Variants in GON4L observed in about 807,000 individuals in gnomAD.
GON4L encodes gon-4 like.
In GON4L, 87 loss-of-function variants were observed where a neutral mutation model predicts 211.8. The observed-to-expected ratio is 0.41, with a 90% CI of 0.35 to 0.49. GON4L has a LOEUF of 0.49. GON4L is among the 20% of genes least tolerant of loss of function. The pLI is 0.15. For missense variants in GON4L, 2,155 were observed against 2,659.5 expected (o/e 0.81, Z 4.17); for synonymous variants, 875 against 962.6 (o/e 0.91, Z 1.68).
At chr1:155,845,717 C>T (rs1307929074) in intron 2 of GON4L, 2 of 297,028 alleles carry the variant, frequency 6.7e-6, no homozygotes, top group South Asian at 3.9e-5. Flanking sequence ...AAGATACTGC[C>T]GTAACTCAGT....
intron 2 of GON4L, chr1:155,832,724 T>A (rs545357001): frequency 1.3e-5 from 2 of 152,242 alleles, no homozygotes; most frequent in East Asian, 3.9e-4. Context: ...AATCCAACTA[T>A]CTTTCTATGT....
chr1:155,767,576 C>T (rs745959185), intron 19 of GON4L, 35 bp from the exon 20 acceptor site: 5 of 1,577,402 alleles, frequency 3.2e-6, no homozygotes, highest in Non-Finnish European at 4.3e-6. Context: ...AATTACATTC[C>T]TTCTGGAAAC....
intron 22 of GON4L, among the ~76,000 whole-genome samples, chr1:155,762,902 G>T (rs902936473): frequency 5.9e-5 from 9 of 152,070 alleles, no homozygotes; most frequent in Non-Finnish European, 1.2e-4. Context: ...TGGGTGTGGG[G>T]GCAGATGCCT....
At chr1:155,822,512 A>C in intron 3 of GON4L, 36 bp from the exon 4 acceptor site, 1 of 1,517,212 alleles carries the variant, frequency 6.6e-7, no homozygotes, top group African/African-American at 1.4e-5. Context: ...AGAATTCCAA[A>C]ATAGCTGCTC....
intron 14 of GON4L, among the ~76,000 whole-genome samples, chr1:155,779,995 C>T (rs777755581): frequency 2.6e-4 from 40 of 151,784 alleles, no homozygotes; most frequent in Non-Finnish European, 5.3e-4. Context: ...GACAGGGTTT[C>T]GCCACGTTAG....
intron 2 of GON4L, among the ~76,000 whole-genome samples, chr1:155,829,135 A>C (rs530339691): frequency 1.8e-4 from 28 of 152,296 alleles, no homozygotes; most frequent in African/African-American, 5.5e-4. Flanking sequence ...CCATCACACC[A>C]TCCAGCTAAA....
intron 8 of GON4L, among the ~76,000 whole-genome samples, chr1:155,814,878 C>A (rs547111904): frequency 6.6e-6 from 1 of 151,784 alleles, no homozygotes; most frequent in African/African-American, 2.4e-5. Context: ...TTTGGAAGGC[C>A]GAGGCGGGTG....
rs1186679195 is a variant in GON4L, at chr1:155,822,415, T to C, written c.759A>G (p.Lys253=). The change falls in exon 4 of 32, where the codon AAA becomes AAG. Residue 253 remains lysine (K), a synonymous_variant. Coordinates refer to ENST00000368331, the MANE Select transcript of GON4L (RefSeq NM_001282860.2). ...TCCCTTCTTGACCCCTTCCATCTCGTTTCCTCTTGGTACCCTTTTTCTTTT... is the reference window on the plus strand; with the variant it reads ...TCCCTTCTTGACCCCTTCCATCTCGCTTCCTCTTGGTACCCTTTTTCTTTT... ...RRKKKKGTKR[K]RDGRGQEGTL... The C allele has an allele frequency of 1.2e-6, 2 of 1,613,822 alleles. No individual in the cohort carries two copies. Among genetic ancestry groups the C allele is most frequent in the African/African-American group, 1.3e-5 (1 of 74,910 alleles).
intron 2 of GON4L, among the ~76,000 whole-genome samples, chr1:155,847,045 T>C (rs1263897429): frequency 2.0e-5 from 3 of 152,158 alleles, no homozygotes; most frequent in Admixed American, 6.5e-5. Context: ...ATTTTCCCCA[T>C]CTTGAAAGAC....
At chr1:155,766,760 A>C in intron 20 of GON4L, 51 bp from the exon 21 acceptor site, 2 of 1,610,318 alleles carry the variant, frequency 1.2e-6, no homozygotes, top group South Asian at 2.2e-5. Context: ...ATTTGGGAAA[A>C]AGAGGCTTGG....
intron 11 of GON4L, among the ~76,000 whole-genome samples, chr1:155,796,365 C>T (rs2102001658): frequency 6.6e-6 from 1 of 151,378 alleles, no homozygotes; most frequent in Non-Finnish European, 1.5e-5. Flanking sequence ...GCAAACTCTG[C>T]CTCCCAGCTT....
In GON4L at chr1:155,755,037, G is replaced by GC. The variant is rs1199536455; in HGVS notation, c.5518-550dup. On this transcript the variant is annotated intron_variant, in intron 27 of 31. Transcript: ENST00000368331. ...TTTTCCCACCTCAGCCTCCCAAGTA[G>GC]CTGGGACTGCGCACCACCACGCCTA... 4.0e-5 allele frequency among the ~76,000 whole-genome samples: 6 copies of GC among 149,150 alleles called. No individual in the cohort carries two copies. The Admixed American group carries it at 4.0e-4, about 10-fold the overall frequency.
In GON4L at chr1:155,763,412, A is replaced by G; in HGVS notation, c.4626T>C (p.Asp1542=). The G allele has an allele frequency of 1.3e-6, 2 of 1,596,846 alleles. No individual in the cohort carries two copies. Among genetic ancestry groups the G allele is most frequent in the Non-Finnish European group, 1.7e-6 (2 of 1,171,610 alleles). Residue 1542 remains aspartate (D), a synonymous_variant, in exon 22 of 32, where the codon GAT becomes GAC. Coordinates refer to ENST00000368331, the MANE Select transcript of GON4L (RefSeq NM_001282860.2). ...AEGMESLQKE[D]EMTDEAVGDS... is the part of the protein sequence containing the mutation. ...CTCCAACTGCTTCATCCGTCATTTC[A>G]TCCTCTTTCTGCAGGCTTTCCATTC...
Position 155,853,822 on chromosome 1 carries a change from GT to G in GON4L, c.-26-17del, listed in dbSNP as rs1475105898. 1 of 1,489,350 alleles carries G rather than the reference GT, an allele frequency of 6.7e-7. No homozygotes were observed. The highest frequency in any genetic ancestry group is 1.1e-5 in the South Asian group (1 of 87,758). The allele number at this position is 1,489,350 out of a possible 1,614,324, so 92.3% of individuals were successfully genotyped here. A position where few individuals can be genotyped will look rare whatever the true frequency, so the allele number is the denominator to read the frequency against. ...TTGTTCCATTCTGAAAGAATAAAAA[GT>G]TCTTACTGCCTTCATATTAATTAAA... On this transcript the variant is annotated splice_polypyrimidine_tract_variant and intron_variant, in intron 1 of 31. Transcript: ENST00000368331.
At chr1:155,832,592 T>A (rs1273029900) in intron 2 of GON4L, among the ~76,000 whole-genome samples, 3 of 152,166 alleles carry the variant, frequency 2.0e-5, no homozygotes, top group African/African-American at 7.2e-5. Flanking sequence ...TGAGCCAAGA[T>A]CATGCCACTG....
rs1301640317 is a variant in GON4L at position 155,753,308 on chromosome 1, C to T, written c.5738G>A (p.Gly1913Asp). The part of the protein sequence containing the change: ...PMPGAKEAGQ[G>D]KDMMEEEAPE... ...GGCTTCCTCTTCCATCATATCCTTG[C>T]CCTGCCCAGCTTCCTTAGCACCAGG... The change falls in exon 29 of 32, where the codon GGC becomes GAC. Residue 1913 changes from glycine (G) to aspartate (D), a missense_variant. Coordinates refer to ENST00000368331, the MANE Select transcript of GON4L (RefSeq NM_001282860.2). 1.2e-6 allele frequency: 2 copies of T among 1,613,608 alleles called. No homozygotes were observed. Among genetic ancestry groups the T allele is most frequent in the East Asian group, 2.2e-5 (1 of 44,884 alleles).
At chr1:155,851,846 A>T (rs750237064) in intron 2 of GON4L, among the ~76,000 whole-genome samples, 21 of 152,082 alleles carry the variant, frequency 1.4e-4, no homozygotes, top group Non-Finnish European at 2.6e-4. Context: ...AAAACCTTTC[A>T]CAACCTTAGT....
intron 2 of GON4L, among the ~76,000 whole-genome samples, chr1:155,829,603 G>T (rs943956956): frequency 2.0e-5 from 3 of 152,140 alleles, no homozygotes; most frequent in African/African-American, 7.2e-5. Context: ...GCGACAGAGC[G>T]AGGCACTGTC....
At chr1:155,839,266 T>C (rs1670574222) in intron 2 of GON4L, among the ~76,000 whole-genome samples, 1 of 151,374 alleles carries the variant, frequency 6.6e-6, no homozygotes, top group African/African-American at 2.4e-5. Context: ...TAATTCTACA[T>C]AAGAAAGAAT....
Sources: allele counts gnomAD v4.1 joint callset (sites outside exome capture counted in the v4.1 genomes callset), GRCh38; gene constraint gnomAD v4.1.1; transcripts MANE v1.5; gene names NCBI Gene and HGNC (gene_info 2026-07-23, HGNC 2026-07-21).